Variants in CETP observed in about 807,000 individuals in gnomAD.
CETP encodes the protein BPI fold containing family F.
CETP carries 56 observed loss-of-function variants against 66.5 expected under a neutral mutation model. The ratio of observed to expected loss-of-function variants is 0.84; its 90% CI spans 0.68 to 1.05. The LOEUF (loss-of-function observed/expected upper bound fraction) is 1.05, where lower values mean the gene tolerates loss of function less well. CETP is among the 50% of genes least tolerant of loss of function. The pLI is 0.00. For synonymous variants in CETP, 251 were observed against 245.7 expected (o/e 1.02, Z -0.20); for missense variants, 612 against 609.6 (o/e 1.00, Z -0.04).
intron 14 of CETP, 75 bp downstream of exon 14, chr16:56,982,312 A>C (rs1240987377): frequency 3.5e-6 from 5 of 1,412,198 alleles, no homozygotes; most frequent in African/African-American, 2.8e-5. Context: ...GGCCCTTCCC[A>C]GGCAGAGCTT....
At chr16:56,967,425 G>T (rs143080800) in intron 2 of CETP, among the ~76,000 whole-genome samples, 1 of 151,804 alleles carries the variant, frequency 6.6e-6, no homozygotes, top group South Asian at 2.1e-4. Context: ...GGAGGCTGAG[G>T]TGGGGGAATC....
At position 56,975,096 on chromosome 16, in the gene CETP, T is replaced by C. The variant is rs1202401110; in HGVS notation, c.931-5T>C. ...CCACCCTCCAACTTCCTCATTTCTT[T>C]TCAGGCAGTGCTGGAGACCTGGGGC... On this transcript the variant is annotated splice_region_variant and splice_polypyrimidine_tract_variant and intron_variant, in intron 9 of 15. Coordinates refer to ENST00000200676, the MANE Select transcript of CETP (RefSeq NM_000078.3). The C allele has an allele frequency of 1.2e-6, 2 of 1,613,970 alleles. No individual in the cohort carries two copies. The highest frequency in any genetic ancestry group is 1.7e-6 in the Non-Finnish European group (2 of 1,179,952).
At position 56,973,381 on chromosome 16, in the gene CETP, C is replaced by A. The variant is rs776459790; in HGVS notation, c.801C>A (p.Phe267Leu). The A allele has an allele frequency of 1.9e-6, 3 of 1,614,078 alleles. No individual in the cohort carries two copies. Among genetic ancestry groups the A allele is most frequent in the African/African-American group, 1.3e-5 (1 of 74,928 alleles). Residue 267 changes from phenylalanine to leucine, a missense_variant, in exon 9 of 16, where the codon TTC becomes TTA. Phe to Leu is a conservative substitution (Grantham distance 22). Transcript: ENST00000200676. The part of the protein sequence containing the change: ...NVSEDLPLPT[F>L]SPTLLGDSRM... ...CAGAGGACCTCCCCCTCCCCACCTT[C>A]TCGCCCACACTGCTGGGGGACTCCC...
intron 2 of CETP, 41 bp from the exon 3 acceptor site, chr16:56,969,345 G>A (rs2056090797): frequency 1.2e-6 from 2 of 1,612,350 alleles, no homozygotes; most frequent in Admixed American, 3.3e-5. Context: ...GGGCTCCCTG[G>A]ATGACCCCCA....
At position 56,973,452 on chromosome 16, in the gene CETP, C is replaced by T. The variant is rs200375648; in HGVS notation, c.872C>T (p.Ala291Val). ...WFSERVFHSL[A>V]KVAFQDGRLM... Reference sequence around the variant, plus strand: ...TCTGAGCGAGTCTTCCACTCGCTGGCCAAGGTAGCTTTCCAGGATGGCCGC... The same window carrying T: ...TCTGAGCGAGTCTTCCACTCGCTGGTCAAGGTAGCTTTCCAGGATGGCCGC... The change falls in exon 9 of 16, where the codon GCC (alanine) becomes GTC (valine). Residue 291 changes from alanine to valine, a missense_variant. Ala to Val is a moderately conservative substitution (Grantham distance 64). Coordinates refer to ENST00000200676, the MANE Select transcript of CETP (RefSeq NM_000078.3). 1 of 1,614,076 alleles carries T rather than the reference C, an allele frequency of 6.2e-7. No individual in the cohort carries two copies. The highest frequency in any genetic ancestry group is 1.7e-5 in the Admixed American group (1 of 60,012).
chr16:56,966,261 A>T (rs77394182), intron 2 of CETP, among the ~76,000 whole-genome samples: 8 of 152,112 alleles, frequency 5.3e-5, no homozygotes, highest in Non-Finnish European at 1.2e-4. Flanking sequence ...GGCTTCCCCC[A>T]TTCCTTGGCT....
intron 15 of CETP, 76 bp from the exon 16 acceptor site, chr16:56,983,516 C>G (rs2056203608): frequency 6.3e-7 from 1 of 1,595,912 alleles, no homozygotes; most frequent in South Asian, 1.1e-5. Context: ...AGAGGGGCCT[C>G]TACCAGCTTG....
intron 2 of CETP, among the ~76,000 whole-genome samples, chr16:56,963,495 AG>A (rs2056041031): frequency 6.6e-6 from 1 of 152,166 alleles, no homozygotes; most frequent in Non-Finnish European, 1.5e-5. Flanking sequence ...TAGTACAGAC[AG>A]GTCTTGCTAT....
intron 6 of CETP, 107 bp from the exon 7 acceptor site, chr16:56,971,214 C>G: frequency 6.7e-7 from 1 of 1,503,196 alleles, no homozygotes; most frequent in Non-Finnish European, 9.2e-7. Flanking sequence ...TCCATGTGGC[C>G]AGTCCCCTGT....
intron 2 of CETP, among the ~76,000 whole-genome samples, chr16:56,967,351 C>T (rs2056074768): frequency 7.3e-6 from 1 of 136,580 alleles, no homozygotes; most frequent in Admixed American, 7.4e-5. Flanking sequence ...GTCACACAAA[C>T]AAACAAACAA....
intron 2 of CETP, among the ~76,000 whole-genome samples, chr16:56,968,020 G>A (rs750682817): frequency 6.6e-6 from 1 of 150,988 alleles, no homozygotes; most frequent in Non-Finnish European, 1.5e-5. Context: ...CAATCTAGTT[G>A]TTTCCTATAC....
rs1426244164 is a variant in CETP at position 56,978,206 on chromosome 16, T to G, written c.1097T>G (p.Leu366Arg). 4.3e-6 allele frequency: 7 copies of G among 1,614,122 alleles called. No homozygotes were observed. In the African/African-American group the frequency reaches 8.0e-5, roughly 18 times the overall value. Reference protein sequence around the residue: ...VVNSSVMVKFLFPRPDQQHSV... With the variant: ...VVNSSVMVKFRFPRPDQQHSV... Reference sequence around the variant, plus strand: ...AATTCTTCAGTGATGGTGAAATTCCTCTTTCCACGCCCAGACCAGCAACAT... The same window carrying G: ...AATTCTTCAGTGATGGTGAAATTCCGCTTTCCACGCCCAGACCAGCAACAT... The change falls in exon 11 of 16, where the codon CTC becomes CGC. Residue 366 changes from leucine (L) to arginine (R), a missense_variant. By Grantham distance (102) the Leu-to-Arg change is moderately radical (BLOSUM62 -2). Transcript: ENST00000200676.
Position 56,972,099 on chromosome 16 carries a change from G to T in CETP, c.750+16G>T. 1 of 1,595,230 alleles carries T rather than the reference G, an allele frequency of 6.3e-7. No homozygotes were observed. Among genetic ancestry groups the T allele is most frequent in the East Asian group, 2.2e-5 (1 of 44,782 alleles). ...CCATCACAAGGTAGGAGTTGTGGGA[G>T]GGTGGGGCAGGGCCCAGCTTCCCCA... On this transcript the variant is annotated intron_variant, in intron 8 of 15. Coordinates refer to ENST00000200676, the MANE Select transcript of CETP (RefSeq NM_000078.3).
At position 56,969,896 on chromosome 16, in the gene CETP, T is replaced by C. The variant is rs751104316; in HGVS notation, c.440-18T>C. ...GATAGCGGAGGCTGCCCTGAGGTCA[T>C]GTCGGGTCTCCCTGCAGCCTGTGAC... On this transcript the variant is annotated intron_variant, in intron 4 of 15. Transcript: ENST00000200676. The C allele has an allele frequency of 7.4e-6, 12 of 1,612,802 alleles. No homozygotes were observed. Among genetic ancestry groups the C allele is most frequent in the South Asian group, 4.4e-5 (4 of 90,932 alleles).
intron 10 of CETP, among the ~76,000 whole-genome samples, chr16:56,977,684 A>T (rs1406266826): frequency 6.6e-6 from 1 of 152,106 alleles, no homozygotes; most frequent in Non-Finnish European, 1.5e-5. Context: ...CTGCTACAGC[A>T]GCTTCCCTCG....
chr16:56,983,554 C>T (rs769923827), intron 15 of CETP, 38 bp from the exon 16 acceptor site: 4 of 1,611,730 alleles, frequency 2.5e-6, no homozygotes, highest in South Asian at 1.1e-5. Context: ...TGGGAGTCAG[C>T]CCAGCTCGCC....
Position 56,969,668 on chromosome 16 carries a change from C to T in CETP, c.426C>T (p.Ile142=). 1 of 1,614,040 alleles carries T rather than the reference C, an allele frequency of 6.2e-7. No homozygotes were observed. The highest frequency in any genetic ancestry group is 8.5e-7 in the Non-Finnish European group (1 of 1,180,034). The change falls in exon 4 of 16, where the codon ATC becomes ATT. Residue 142 remains isoleucine (I), a synonymous_variant. Transcript: ENST00000200676. ...TCGACTCTGCCATTGACCTCCAGAT[C>T]AACACACAGCTGAGTATGTGTCAAG... ...FEIDSAIDLQ[I]NTQLTCDSGR... is the part of the protein sequence containing the mutation.
chr16:56,976,681 A>G (rs1242216338), intron 10 of CETP, among the ~76,000 whole-genome samples: 1 of 150,176 alleles, frequency 6.7e-6, no homozygotes. Context: ...CCCCATCCCT[A>G]TTTTCTCCAT....
At chr16:56,964,497 C>T (rs2056051327) in intron 2 of CETP, among the ~76,000 whole-genome samples, 1 of 152,190 alleles carries the variant, frequency 6.6e-6, no homozygotes, top group Admixed American at 6.5e-5. Flanking sequence ...ACCTTCATGG[C>T]ACCTCAGGCT....
Sources: gnomAD v4.1 joint callset for allele counts (sites outside exome capture counted in the v4.1 genomes callset) on GRCh38, gnomAD v4.1.1 for gene constraint, MANE v1.5 for transcripts, NCBI Gene and HGNC (gene_info 2026-07-23, HGNC 2026-07-21) for gene names.